SHQ1: variants seen among roughly 807,000 people sequenced by gnomAD.
The protein encoded by SHQ1 is protein SHQ1 homolog.
In SHQ1, 49 loss-of-function variants were observed where a neutral mutation model predicts 53.8. The ratio of observed to expected loss-of-function variants is 0.91; its 90% confidence interval spans 0.72 to 1.16. The LOEUF is 1.16. Among genes scored for constraint, SHQ1 ranks in the 50% most tolerant of loss-of-function variants. SHQ1 has a pLI of 0.00. For missense variants in SHQ1, 738 were observed against 683.1 expected, an observed-to-expected ratio of 1.08 and a Z score of -0.90; for synonymous variants, 243 against 251.0, an observed-to-expected ratio of 0.97 and a Z score of 0.30.
At position 72,749,497 on chromosome 3, in the gene SHQ1, T is replaced by C. The variant is rs1705319072; in HGVS notation, c.*787A>G. ...CTGACCAAAAAAGGGATACATATTG[T>C]ATGATTCAATTTACATAGAATTCTA... On this transcript the variant is annotated 3_prime_UTR_variant, in exon 11 of 11. Coordinates refer to ENST00000325599, the MANE Select transcript of SHQ1 (RefSeq NM_018130.3). 1 of 217,802 alleles carries C rather than the reference T, an allele frequency of 4.6e-6. No individual in the cohort carries two copies. Among genetic ancestry groups the C allele is most frequent in the African/African-American group, 2.2e-5 (1 of 44,482 alleles). The allele number at this position is 217,802 out of a possible 1,614,324, so 13.5% of individuals were successfully genotyped here.
At chr3:72,826,753 A>G (rs1418037968) in intron 5 of SHQ1, among the ~76,000 whole-genome samples, 1 of 152,238 alleles carries the variant, frequency 6.6e-6, no homozygotes, top group Non-Finnish European at 1.5e-5. Context: ...TCTGTAATGA[A>G]AAACTGGTTG....
At position 72,751,539 on chromosome 3, in the gene SHQ1, T is replaced by TATATATATATATAC. The variant is rs1456991894; in HGVS notation, c.1182-704_1182-703insGTATATATATATAT. Among the ~76,000 whole-genome samples, 243 of 120,088 alleles carry TATATATATATATAC rather than the reference T, an allele frequency of 2.0e-3. 7 individuals are homozygous for TATATATATATATAC. The highest frequency in any genetic ancestry group is 7.9e-3 in the African/African-American group (214 of 27,202). The allele number at this position is 120,088 out of a possible 152,430, so 78.8% of individuals were successfully genotyped here. A position where few individuals can be genotyped will look rare whatever the true frequency, so the allele number is the denominator to read the frequency against. On this transcript the variant is annotated intron_variant, in intron 10 of 10. Coordinates refer to ENST00000325599, the MANE Select transcript of SHQ1 (RefSeq NM_018130.3). Reference sequence around the variant, plus strand: ...ATATATATATATATATACATATACATACACTAATAAAGCCTAACTCTCCTA... The same window carrying TATATATATATATAC: ...ATATATATATATATATACATATACATATATATATATATACACACTAATAAAGCCTAACTCTCCTA...
intron 8 of SHQ1, 48 bp from the exon 9 acceptor site, chr3:72,812,842 CA>C (rs905660434): frequency 6.2e-7 from 1 of 1,608,766 alleles, no homozygotes; most frequent in Middle Eastern, 1.7e-4. Context: ...AAATGTTACA[CA>C]AACAAAAGTA....
intron 5 of SHQ1, among the ~76,000 whole-genome samples, chr3:72,827,593 TAC>T (rs1311156693): frequency 6.6e-6 from 1 of 152,146 alleles, no homozygotes; most frequent in African/African-American, 2.4e-5. Context: ...ATTTCACTAA[TAC>T]AGTCCTAGTA....
intron 9 of SHQ1, among the ~76,000 whole-genome samples, chr3:72,802,291 C>G (rs531117791): frequency 4.8e-4 from 73 of 152,324 alleles, no homozygotes; most frequent in Non-Finnish European, 7.8e-4. Flanking sequence ...CCCCAGACTT[C>G]CTTGGGTCTA....
chr3:72,812,669 A>G lies in SHQ1; in HGVS notation c.1060+2T>C. 6.2e-7 allele frequency: 1 copy of G among 1,613,898 alleles called. No individual in the cohort carries two copies. The highest frequency in any genetic ancestry group is 8.5e-7 in the Non-Finnish European group (1 of 1,179,912). ...AAATTTGCAAGTACAGTAATATCTT[A>G]CCCAGTTGCAATATCTTTATAGTGT... On this transcript the variant is annotated splice_donor_variant, in intron 9 of 10. Coordinates refer to ENST00000325599, the MANE Select transcript of SHQ1 (RefSeq NM_018130.3). LOFTEE classifies it high-confidence loss of function.
At chr3:72,780,698 A>T (rs1215334559) in intron 10 of SHQ1, among the ~76,000 whole-genome samples, 1 of 152,236 alleles carries the variant, frequency 6.6e-6, no homozygotes, top group Admixed American at 6.5e-5. Context: ...GGCAAGAGTC[A>T]GGAGAAGAGA....
At chr3:72,752,672 G>A (rs370727445) in intron 10 of SHQ1, among the ~76,000 whole-genome samples, 86 of 152,088 alleles carry the variant, frequency 5.7e-4, no homozygotes, top group African/African-American at 2.0e-3. Flanking sequence ...GACTACAGGC[G>A]CGTACCACCA....
the SHQ1 span, among the ~76,000 whole-genome samples, chr3:72,730,712 G>C: frequency 1.3e-5 from 2 of 152,044 alleles, no homozygotes; most frequent in South Asian, 4.2e-4. Flanking sequence ...TCATCTCTTA[G>C]AATTAAGACA....
At chr3:72,827,871 C>T (rs758036461) in intron 5 of SHQ1, among the ~76,000 whole-genome samples, 4 of 151,482 alleles carry the variant, frequency 2.6e-5, no homozygotes, top group Non-Finnish European at 5.9e-5. Flanking sequence ...TCTCCTGCCT[C>T]AGCCTCCCAA....
At chr3:72,744,927 G>GC (rs1553687476), downstream of SHQ1, among the ~76,000 whole-genome samples, 3 of 142,924 alleles carry the variant, frequency 2.1e-5, no homozygotes, top group Admixed American at 7.1e-5. Context: ...ATACATTGGG[G>GC]GGGGGGGGTG....
downstream of SHQ1, among the ~76,000 whole-genome samples, chr3:72,747,380 C>T (rs1199962340): frequency 2.0e-5 from 3 of 152,160 alleles, no homozygotes; most frequent in African/African-American, 7.2e-5. Flanking sequence ...CAGACATAAC[C>T]AAAGCAGAAA....
At chr3:72,830,264 T>C (rs970004548) in intron 5 of SHQ1, among the ~76,000 whole-genome samples, 93 of 152,250 alleles carry the variant, frequency 6.1e-4, no homozygotes, top group African/African-American at 2.1e-3. Flanking sequence ...TAGGCTGAAA[T>C]TAAAATTCAT....
intron 9 of SHQ1, among the ~76,000 whole-genome samples, chr3:72,809,095 C>G (rs557457550): frequency 7.9e-5 from 12 of 151,468 alleles, no homozygotes; most frequent in Admixed American, 3.3e-4. Flanking sequence ...TAGATACCAA[C>G]TGGAGAGTAC....
At chr3:72,760,082 G>A (rs1204012379) in intron 10 of SHQ1, among the ~76,000 whole-genome samples, 1 of 152,144 alleles carries the variant, frequency 6.6e-6, no homozygotes, top group East Asian at 1.9e-4. Flanking sequence ...TTATTGTAGA[G>A]TTTTCTTCTT....
At chr3:72,762,701 G>A (rs1705637686) in intron 10 of SHQ1, among the ~76,000 whole-genome samples, 1 of 152,074 alleles carries the variant, frequency 6.6e-6, no homozygotes, top group African/African-American at 2.4e-5. Flanking sequence ...TTGAGACAGA[G>A]TCTCGCTCTG....
chr3:72,725,838 A>T, the SHQ1 span, among the ~76,000 whole-genome samples: 1 of 152,160 alleles, frequency 6.6e-6, no homozygotes, highest in East Asian at 1.9e-4. Flanking sequence ...CCTGGCTGTT[A>T]GACTCCCCAG....
At chr3:72,753,363 T>C (rs1271513973) in intron 10 of SHQ1, 7 of 985,278 alleles carry the variant, frequency 7.1e-6, no homozygotes, top group African/African-American at 7.0e-5. Flanking sequence ...GATGGTACAA[T>C]GGGAAATACC....
intron 5 of SHQ1, among the ~76,000 whole-genome samples, chr3:72,830,585 A>G (rs573598916): frequency 6.6e-6 from 1 of 152,238 alleles, no homozygotes; most frequent in African/African-American, 2.4e-5. Flanking sequence ...ATATTAATAC[A>G]TTTGGGTGAG....
Sources: gnomAD v4.1 joint callset for allele counts (sites outside exome capture counted in the v4.1 genomes callset) on GRCh38, gnomAD v4.1.1 for gene constraint, MANE v1.5 for transcripts, NCBI Gene and HGNC (gene_info 2026-07-23, HGNC 2026-07-21) for gene names.